The following COL4A4 variants were observed in gnomAD, a reference collection of about 807,000 sequenced individuals.
The protein encoded by COL4A4 is collagen type IV alpha 4 chain, also known as collagen alpha-4(IV) chain.
COL4A4 carries 105 observed loss-of-function variants against 192.9 expected under a neutral mutation model. The observed-to-expected ratio is 0.54, with a 90% CI of 0.46 to 0.64. The LOEUF (loss-of-function observed/expected upper bound fraction) is 0.64. Ranked by LOEUF, COL4A4 falls within the 30% of genes least tolerant of loss-of-function variation. The probability of loss-of-function intolerance (pLI) is 0.00; values close to 1 mark genes in which losing one functional copy is unlikely to be tolerated. For synonymous variants in COL4A4, 762 were observed against 769.9 expected (o/e 0.99, Z 0.17); for missense variants, 1,967 against 2,169.3 (o/e 0.91, Z 1.85).
rs565222458 is a variant in COL4A4 at position 227,073,865 on chromosome 2, G to A, written c.1987+4029C>T. The stretch of plus-strand genomic sequence containing the variant: ...CTACATGTATTAGAAGAATAAAACC[G>A]GATTCCTATCTCTCACCTTATACAA... On this transcript the variant is annotated intron_variant, in intron 25 of 47. Transcript: ENST00000396625. Among the ~76,000 whole-genome samples, 131 of 151,944 alleles carry A rather than the reference G, an allele frequency of 8.6e-4. 1 individual carries two copies. The highest frequency in any genetic ancestry group is 2.9e-3 in the African/African-American group (122 of 41,484).
At chr2:227,137,260 C>A (rs894422733) in intron 4 of COL4A4, among the ~76,000 whole-genome samples, 3 of 152,152 alleles carry the variant, frequency 2.0e-5, no homozygotes, top group Non-Finnish European at 4.4e-5. Flanking sequence ...AAGAGAAGGA[C>A]CAATGGGGGT....
rs765764220 is a variant in COL4A4 at position 227,120,870 on chromosome 2, C to T, written c.327+144G>A. The T allele has an allele frequency of 6.5e-5, 69 of 1,061,306 alleles. 1 individual carries two copies. Among genetic ancestry groups the T allele is most frequent in the Middle Eastern group, 5.3e-4 (2 of 3,782 alleles). 65.7% of individuals were successfully genotyped at this position (1,061,306 alleles called of 1,614,324 possible). ...GGGAGGCTCGCTTGAACCTGGGAGG[C>T]GAAGGCTGCAGTGAGCTGAGATCCC... On this transcript the variant is annotated intron_variant, in intron 5 of 47. Coordinates refer to ENST00000396625, the MANE Select transcript of COL4A4 (RefSeq NM_000092.5).
At position 227,094,105 on chromosome 2, in the gene COL4A4, A is replaced by G; in HGVS notation, c.1369+20T>C. 1.2e-6 allele frequency: 2 copies of G among 1,609,592 alleles called. No individual in the cohort carries two copies. The highest frequency in any genetic ancestry group is 1.7e-6 in the Non-Finnish European group (2 of 1,176,636). On this transcript the variant is annotated intron_variant, in intron 20 of 47. Transcript: ENST00000396625. The stretch of plus-strand genomic sequence containing the variant: ...AAAAGCAGCATAAATGCTAATGGAT[A>G]TGAATAAGGAGTACTTTACCACTTG...
At chr2:227,074,361 C>T (rs1318234057) in intron 25 of COL4A4, among the ~76,000 whole-genome samples, 1 of 152,022 alleles carries the variant, frequency 6.6e-6, no homozygotes, top group East Asian at 1.9e-4. Context: ...TATTGCCTTA[C>T]TCCTGCAAAA....
intron 1 of COL4A4, among the ~76,000 whole-genome samples, chr2:227,156,056 C>T (rs917536281): frequency 3.5e-5 from 4 of 112,692 alleles, no homozygotes; most frequent in Non-Finnish European, 8.4e-5. Flanking sequence ...TCTAATCTGC[C>T]ATGGAGGAAA....
intron 34 of COL4A4, among the ~76,000 whole-genome samples, chr2:227,047,883 T>A (rs2150153057): frequency 6.6e-6 from 1 of 152,326 alleles, no homozygotes; most frequent in African/African-American, 2.4e-5. Flanking sequence ...ATTGAGTGGC[T>A]ATATCCTTAT....
In COL4A4 at chr2:227,010,521, A is replaced by C; in HGVS notation, c.4334-20T>G. 2.6e-6 allele frequency: 4 copies of C among 1,528,342 alleles called. No homozygotes were observed. Among genetic ancestry groups the C allele is most frequent in the Non-Finnish European group, 3.5e-6 (4 of 1,141,066 alleles). The allele number at this position is 1,528,342 out of a possible 1,614,324, so 94.7% of individuals were successfully genotyped here. On this transcript the variant is annotated intron_variant, in intron 45 of 47. Transcript: ENST00000396625. The stretch of plus-strand genomic sequence containing the variant: ...GAGGCCCTGGAGGAACAAAGGAAAA[A>C]AATTGAAGGCAGGTTAGGGGGTTTG...
At chr2:227,147,989 T>G (rs2063659924) in intron 1 of COL4A4, among the ~76,000 whole-genome samples, 2 of 152,092 alleles carry the variant, frequency 1.3e-5, no homozygotes, top group Admixed American at 1.3e-4. Flanking sequence ...AAAAGGAAAC[T>G]TCTAGTATAC....
Position 227,050,947 on chromosome 2 carries a change from C to T in COL4A4, c.3150+30G>A, listed in dbSNP as rs561883089. 5.0e-6 allele frequency: 8 copies of T among 1,613,914 alleles called. No homozygotes were observed. In the Admixed American group the frequency reaches 8.3e-5, roughly 17 times the overall value. On this transcript the variant is annotated intron_variant, in intron 33 of 47. Transcript: ENST00000396625. ...CCTAAGAACAGAAAGGTTTTATTGT[C>T]TCTTCCCCCACAAAGCAGTAGCCCC... is the stretch of plus-strand genomic sequence containing the variant.
chr2:227,082,008 C>T (rs2059351624), intron 23 of COL4A4, 107 bp downstream of exon 23: 2 of 1,017,278 alleles, frequency 2.0e-6, no homozygotes, highest in Middle Eastern at 2.0e-4. Flanking sequence ...CTCAACCATC[C>T]TAAATTGTAT....
intron 28 of COL4A4, 35 bp from the exon 29 acceptor site, chr2:227,057,635 C>T: frequency 6.2e-7 from 1 of 1,608,776 alleles, no homozygotes; most frequent in Admixed American, 1.7e-5. Context: ...ACATTCATGA[C>T]AAAAAACTAT....
chr2:227,035,044 C>A (rs904671169), intron 37 of COL4A4, among the ~76,000 whole-genome samples: 1 of 152,134 alleles, frequency 6.6e-6, no homozygotes, highest in Admixed American at 6.5e-5. Context: ...AGGTGCCCCT[C>A]ACCTACCCCC....
At chr2:227,073,636 C>T (rs1235090255) in intron 25 of COL4A4, among the ~76,000 whole-genome samples, 3 of 152,084 alleles carry the variant, frequency 2.0e-5, no homozygotes, top group African/African-American at 7.2e-5. Context: ...CATTACTGAA[C>T]TTCAAATTAT....
intron 4 of COL4A4, among the ~76,000 whole-genome samples, chr2:227,132,217 A>AT (rs1317977151): frequency 6.6e-6 from 1 of 152,042 alleles, no homozygotes; most frequent in African/African-American, 2.4e-5. Flanking sequence ...GGGAGCAAGG[A>AT]TTTTTGTCTC....
At chr2:227,008,432 T>C in intron 46 of COL4A4, 128 bp from the exon 47 acceptor site, 3 of 1,087,740 alleles carry the variant, frequency 2.8e-6, no homozygotes, top group Non-Finnish European at 4.1e-6. Context: ...CAAAGCCTGC[T>C]TCTGTGGTGA....
chr2:227,012,572 C>T (rs1963975957), intron 44 of COL4A4, among the ~76,000 whole-genome samples: 1 of 142,018 alleles, frequency 7.0e-6, no homozygotes, highest in African/African-American at 2.7e-5. Context: ...GAAGCCAGAC[C>T]AGGGAGGTGT....
intron 36 of COL4A4, 114 bp downstream of exon 36, chr2:227,042,963 C>A: frequency 2.5e-6 from 2 of 800,730 alleles, no homozygotes; most frequent in South Asian, 3.0e-5. Flanking sequence ...AGTCACAGGT[C>A]TGGGAAATGG....
rs940826028 is a variant in COL4A4, at chr2:227,006,226, T to C, written c.*1099A>G. On this transcript the variant is annotated 3_prime_UTR_variant, in exon 48 of 48. Coordinates refer to ENST00000396625, the MANE Select transcript of COL4A4 (RefSeq NM_000092.5). ...GTTTAATTAAATCGGCCCTTAATTT[T>C]CTCCCAAGTGCATAATGATAGCTCT... The C allele has an allele frequency of 6.6e-6, 1 of 152,606 alleles. No individual in the cohort carries two copies. Among genetic ancestry groups the C allele is most frequent in the African/African-American group, 2.4e-5 (1 of 41,430 alleles). 9.5% of individuals were successfully genotyped at this position (152,606 alleles called of 1,614,324 possible).
intron 1 of COL4A4, among the ~76,000 whole-genome samples, chr2:227,154,819 T>A (rs1166774150): frequency 2.0e-5 from 3 of 152,188 alleles, no homozygotes; most frequent in African/African-American, 4.8e-5. Context: ...CCTGGACACC[T>A]CCTTTGGAGG....
Sources: allele counts gnomAD v4.1 joint callset (sites outside exome capture counted in the v4.1 genomes callset), GRCh38; gene constraint gnomAD v4.1.1; transcripts MANE v1.5; gene names NCBI Gene and HGNC (gene_info 2026-07-23, HGNC 2026-07-21).